The following HDGFL3 variants were observed in gnomAD, a reference collection of about 807,000 sequenced individuals.
HDGFL3 encodes hepatoma-derived growth factor-related protein 3.
In HDGFL3, 6 loss-of-function variants were observed where a neutral mutation model predicts 27.6. That is an observed-to-expected ratio of 0.22 (90% CI 0.12 to 0.43). HDGFL3 has a LOEUF of 0.43. Among genes scored for constraint, HDGFL3 ranks in the 20% least tolerant of loss-of-function variants. HDGFL3 has a pLI of 1.00. For synonymous variants in HDGFL3, 88 were observed against 88.9 expected (o/e 0.99, Z 0.05); for missense variants, 207 against 250.1 (o/e 0.83, Z 1.16).
At chr15:83,127,551 C>T, downstream of HDGFL3, 1 of 1,554,560 alleles carries the variant, frequency 6.4e-7, no homozygotes, top group Non-Finnish European at 8.8e-7. Flanking sequence ...AAAAACTTCT[C>T]TGCTCAGTGT....
Position 83,128,549 on chromosome 15 carries a change from T to A in HDGFL3, c.*10721A>T, listed in dbSNP as rs1372635389. 1.3e-5 allele frequency: 2 copies of A among 152,230 alleles called. No homozygotes were observed. The highest frequency in any genetic ancestry group is 2.4e-5 in the African/African-American group (1 of 41,460). The allele number at this position is 152,230 out of a possible 1,614,324, so 9.4% of individuals were successfully genotyped here. A position where few individuals can be genotyped will look rare whatever the true frequency, so the allele number is the denominator to read the frequency against. Reference sequence around the variant, plus strand: ...TGTATTTTAGGTCTTTATCTTTGTATCTTTCAATACCAACTATAAGCTGAT... The same window carrying A: ...TGTATTTTAGGTCTTTATCTTTGTAACTTTCAATACCAACTATAAGCTGAT... On this transcript the variant is annotated 3_prime_UTR_variant, in exon 6 of 6. Coordinates refer to ENST00000299633, the MANE Select transcript of HDGFL3 (RefSeq NM_016073.4).
At chr15:83,179,627 T>C (rs554122926) in intron 1 of HDGFL3, among the ~76,000 whole-genome samples, 32 of 152,340 alleles carry the variant, frequency 2.1e-4, no homozygotes, top group African/African-American at 5.8e-4. Context: ...ATCAAATCTC[T>C]GCTTAAATAT....
intron 5 of HDGFL3, among the ~76,000 whole-genome samples, chr15:83,148,413 A>G (rs2036925527): frequency 6.6e-6 from 1 of 152,082 alleles, no homozygotes; most frequent in African/African-American, 2.4e-5. Flanking sequence ...CGAGGTCAGG[A>G]GATCGAGACC....
At chr15:83,151,991 G>A (rs2036969346) in intron 4 of HDGFL3, among the ~76,000 whole-genome samples, 3 of 152,184 alleles carry the variant, frequency 2.0e-5, no homozygotes, top group Non-Finnish European at 4.4e-5. Context: ...GAACTCTAGA[G>A]GAAGATGAAA....
intron 5 of HDGFL3, chr15:83,144,871 T>C: frequency 3.5e-6 from 1 of 289,584 alleles, no homozygotes; most frequent in South Asian, 3.4e-5. Context: ...TTCAGTTACA[T>C]GGCAATAGAT....
At chr15:83,115,843 A>T (rs756347647) in intron 3 of HDGFL3, 63 of 1,609,746 alleles carry the variant, frequency 3.9e-5, no homozygotes, top group Non-Finnish European at 5.3e-5. Flanking sequence ...TCTTTGCTCT[A>T]GTGTATGCAG....
At chr15:83,196,307 A>T (rs1260610611) in intron 1 of HDGFL3, among the ~76,000 whole-genome samples, 1 of 151,772 alleles carries the variant, frequency 6.6e-6, no homozygotes, top group Non-Finnish European at 1.5e-5. Flanking sequence ...TCAGGAATAC[A>T]AAAACCATTT....
At chr15:83,117,122 A>T (rs559238128) in intron 3 of HDGFL3, among the ~76,000 whole-genome samples, 1 of 152,308 alleles carries the variant, frequency 6.6e-6, no homozygotes, top group Admixed American at 6.5e-5. Flanking sequence ...CTGCTGTAGC[A>T]TTTTAAAAAT....
chr15:83,140,642 C>T lies in HDGFL3; in HGVS notation c.607-1367G>A, dbSNP rs540887435. Among the ~76,000 whole-genome samples, 13 of 151,974 alleles carry T rather than the reference C, an allele frequency of 8.6e-5. No homozygotes were observed. In the South Asian group the frequency reaches 1.0e-3, roughly 12 times the overall value. On this transcript the variant is annotated intron_variant, in intron 5 of 5. Transcript: ENST00000299633. ...GATTACAGGTGTGTGCTACCATGCC[C>T]GGCTAATTTTTGTATTTTTAGTAGA...
chr15:83,112,925 T>G, exon 4 of HDGFL3: 1 of 1,531,656 alleles, frequency 6.5e-7, no homozygotes, highest in Non-Finnish European at 9.1e-7. Flanking sequence ...AGGGAAATCT[T>G]TTGTATCTGA....
chr15:83,136,463 T>C lies in HDGFL3; in HGVS notation c.*2807A>G. On this transcript the variant is annotated 3_prime_UTR_variant, in exon 6 of 6. Transcript: ENST00000299633. The stretch of plus-strand genomic sequence containing the variant: ...CACGTTTCATGCTTACTCAATTTTT[T>C]TTTTTTAAATGCAACAGGCTCAGTT... 1.3e-6 allele frequency: 2 copies of C among 1,566,616 alleles called. No individual in the cohort carries two copies. The highest frequency in any genetic ancestry group is 1.7e-6 in the Non-Finnish European group (2 of 1,162,876).
At chr15:83,115,183 T>A (rs1204286046) in exon 4 of HDGFL3, 1 of 158,912 alleles carries the variant, frequency 6.3e-6, no homozygotes, top group Non-Finnish European at 1.4e-5. Flanking sequence ...AGTGGTGTGA[T>A]CTCGGCTCAC....
intron 1 of HDGFL3, among the ~76,000 whole-genome samples, chr15:83,176,179 G>C (rs992569899): frequency 2.6e-5 from 4 of 152,178 alleles, no homozygotes; most frequent in East Asian, 1.9e-4. Context: ...TTGCACACCT[G>C]AAGGTAAGCC....
chr15:83,152,527 C>T (rs768695920), intron 4 of HDGFL3, among the ~76,000 whole-genome samples: 12 of 151,744 alleles, frequency 7.9e-5, no homozygotes, highest in Admixed American at 1.3e-4. Flanking sequence ...ATGGTGAAAC[C>T]CTGTCTCTAC....
chr15:83,190,573 T>C (rs2037499526), intron 1 of HDGFL3, among the ~76,000 whole-genome samples: 1 of 152,122 alleles, frequency 6.6e-6, no homozygotes, highest in Admixed American at 6.5e-5. Context: ...TTATAGGCCT[T>C]ATGTATTTTT....
At chr15:83,164,120 T>C (rs373178214) in intron 1 of HDGFL3, 45 bp from the exon 2 acceptor site, 252 of 1,167,716 alleles carry the variant, frequency 2.2e-4, no homozygotes, top group Non-Finnish European at 2.8e-4. Context: ...TTATCATAAA[T>C]ACAATGTGAG....
At chr15:83,192,786 T>C (rs550282166) in intron 1 of HDGFL3, among the ~76,000 whole-genome samples, 27 of 152,238 alleles carry the variant, frequency 1.8e-4, no homozygotes, top group Non-Finnish European at 3.8e-4. Context: ...CCAATCCATC[T>C]TGACCACCCT....
rs145893966 is a variant in HDGFL3, at chr15:83,144,939, G to C, written c.607-5664C>G. 36 of 164,016 alleles carry C rather than the reference G, an allele frequency of 2.2e-4. 1 individual carries two copies. Among genetic ancestry groups the C allele is most frequent in the Non-Finnish European group, 9.4e-5 (7 of 74,286 alleles). 10.2% of individuals were successfully genotyped at this position (164,016 alleles called of 1,614,324 possible). ...ATGGTGTCCTCCTGGCCACAGATGAGTAACTTTCACCTTCTATCCATATGA... is the reference window on the plus strand; with the variant it reads ...ATGGTGTCCTCCTGGCCACAGATGACTAACTTTCACCTTCTATCCATATGA... On this transcript the variant is annotated intron_variant, in intron 5 of 5. Coordinates refer to ENST00000299633, the MANE Select transcript of HDGFL3 (RefSeq NM_016073.4).
intron 1 of HDGFL3, among the ~76,000 whole-genome samples, chr15:83,173,740 A>C (rs919529941): frequency 5.3e-5 from 8 of 152,166 alleles, no homozygotes; most frequent in African/African-American, 1.9e-4. Flanking sequence ...TTTCCTTTGA[A>C]CTCTAGGGAT....
Sources: allele counts gnomAD v4.1 joint callset (sites outside exome capture counted in the v4.1 genomes callset), GRCh38; gene constraint gnomAD v4.1.1; transcripts MANE v1.5; gene names NCBI Gene and HGNC (gene_info 2026-07-23, HGNC 2026-07-21).